Variants in PNLIPRP3 observed in about 807,000 individuals in gnomAD.
The protein encoded by PNLIPRP3 is pancreatic lipase-related protein 3.
Under a neutral mutation model 52.8 loss-of-function variants are expected in PNLIPRP3, and 58 were observed. The observed-to-expected ratio is 1.10, with a 90% CI of 0.89 to 1.37. The LOEUF (loss-of-function observed/expected upper bound fraction) is 1.37. Among genes scored for constraint, PNLIPRP3 ranks in the 40% most tolerant of loss-of-function variants. The pLI is 0.00. For synonymous variants in PNLIPRP3, 192 were observed against 185.0 expected (o/e 1.04, Z -0.31); for missense variants, 593 against 561.6 (o/e 1.06, Z -0.57).
intron 10 of PNLIPRP3, among the ~76,000 whole-genome samples, chr10:116,476,321 T>C (rs1231311713): frequency 6.6e-6 from 1 of 152,172 alleles, no homozygotes. Context: ...CTATTGAGAG[T>C]TTCTTGATTT....
intron 5 of PNLIPRP3, among the ~76,000 whole-genome samples, chr10:116,456,443 C>A (rs1195855765): frequency 1.3e-5 from 2 of 152,064 alleles, no homozygotes; most frequent in African/African-American, 4.8e-5. Flanking sequence ...ACCACATGTG[C>A]CCCCAAAATA....
rs777539972 is a variant in PNLIPRP3, at chr10:116,455,700, T to C, written c.457-22T>C. On this transcript the variant is annotated intron_variant, in intron 4 of 11. Coordinates refer to ENST00000369230, the MANE Select transcript of PNLIPRP3 (RefSeq NM_001011709.3). Reference sequence around the variant, plus strand: ...TCCACCGCTGTTTTTAAAATACTTATTCTGTTAAACAATTCTTTCAGAAAA... The same window carrying C: ...TCCACCGCTGTTTTTAAAATACTTACTCTGTTAAACAATTCTTTCAGAAAA... 1.6e-5 allele frequency: 25 copies of C among 1,552,100 alleles called. 1 individual carries two copies. The highest frequency in any genetic ancestry group is 1.5e-4 in the South Asian group (13 of 88,900).
intron 5 of PNLIPRP3, among the ~76,000 whole-genome samples, chr10:116,458,667 G>A (rs574091396): frequency 1.6e-4 from 24 of 152,280 alleles, no homozygotes; most frequent in Middle Eastern, 6.8e-3. Flanking sequence ...TCATATGCAT[G>A]TTGCATTACT....
At chr10:116,433,606 G>GTGAGGGGCTGTTTATT (rs1564691640) in intron 1 of PNLIPRP3, among the ~76,000 whole-genome samples, 31 of 152,150 alleles carry the variant, frequency 2.0e-4, no homozygotes, top group African/African-American at 7.2e-4. Flanking sequence ...TCCCCATATT[G>GTGAGGGGCTGTTTATT]ACTCTCCATC....
intron 1 of PNLIPRP3, among the ~76,000 whole-genome samples, chr10:116,429,776 C>T (rs1845684306): frequency 6.6e-6 from 1 of 152,156 alleles, no homozygotes; most frequent in Non-Finnish European, 1.5e-5. Context: ...AAAGCCATGA[C>T]TACAGACAGG....
intron 4 of PNLIPRP3, among the ~76,000 whole-genome samples, chr10:116,454,124 T>C (rs904741672): frequency 6.6e-6 from 1 of 152,140 alleles, no homozygotes; most frequent in Non-Finnish European, 1.5e-5. Context: ...TCATTCTTTT[T>C]TTTTTGAGAT....
chr10:116,477,133 C>T lies in PNLIPRP3; in HGVS notation c.1384C>T (p.Gln462Ter), dbSNP rs758320300. The change falls in exon 12 of 12, where the codon CAG (glutamine) becomes TAG (stop). Residue 462 changes from glutamine to a stop codon, truncating the protein, a stop_gained. Coordinates refer to ENST00000369230, the MANE Select transcript of PNLIPRP3 (RefSeq NM_001011709.3). LOFTEE classifies it high-confidence loss of function. ...SQDIMGPNIL[Q>*]NLKPC ...AGACATTATGGGACCTAATATTCTC[C>T]AGAACCTGAAACCATGCTAATCTCA... The T allele has an allele frequency of 6.3e-7, 1 of 1,596,254 alleles. No individual in the cohort carries two copies. Among genetic ancestry groups the T allele is most frequent in the South Asian group, 1.1e-5 (1 of 90,468 alleles).
chr10:116,465,955 G>C lies in PNLIPRP3; in HGVS notation c.809-95G>C, dbSNP rs7903386. 5.6e-3 allele frequency: 5,034 copies of C among 897,712 alleles called. 169 individuals carry two copies. In the African/African-American group the frequency reaches 0.074, roughly 13 times the overall value. 55.6% of individuals were successfully genotyped at this position (897,712 alleles called of 1,614,324 possible). A position where few individuals can be genotyped will look rare whatever the true frequency, so the allele number is the denominator to read the frequency against. Reference sequence around the variant, plus strand: ...AAAAGGTCTGGCCCTCCCAACTCAAGAAGACTGCCACTTACAGTTACTGTT... The same window carrying C: ...AAAAGGTCTGGCCCTCCCAACTCAACAAGACTGCCACTTACAGTTACTGTT... On this transcript the variant is annotated intron_variant, in intron 7 of 11. Coordinates refer to ENST00000369230, the MANE Select transcript of PNLIPRP3 (RefSeq NM_001011709.3).
chr10:116,439,593 T>C (rs1845828144), intron 2 of PNLIPRP3: 1 of 796,296 alleles, frequency 1.3e-6, no homozygotes, highest in African/African-American at 1.7e-5. Context: ...ATCCTTCTCA[T>C]ACTTTTTCAG....
chr10:116,469,130 T>C (rs1846325964), intron 8 of PNLIPRP3, 55 bp from the exon 9 acceptor site: 1 of 1,514,660 alleles, frequency 6.6e-7, no homozygotes, highest in African/African-American at 1.4e-5. Context: ...GCGAGTTTAT[T>C]GAAGGACAAC....
At chr10:116,438,398 A>G (rs1845808023) in intron 2 of PNLIPRP3, among the ~76,000 whole-genome samples, 1 of 152,208 alleles carries the variant, frequency 6.6e-6, no homozygotes, top group Non-Finnish European at 1.5e-5. Flanking sequence ...GGCCCATCAC[A>G]TACTGCTGGG....
intron 7 of PNLIPRP3, 96 bp from the exon 8 acceptor site, chr10:116,465,954 A>G: frequency 2.2e-6 from 2 of 889,776 alleles, no homozygotes; most frequent in East Asian, 4.8e-5. Flanking sequence ...TCCCAACTCA[A>G]GAAGACTGCC....
Position 116,444,104 on chromosome 10 carries a change from C to G in PNLIPRP3, c.325-278C>G, listed in dbSNP as rs111947653. Among the ~76,000 whole-genome samples the G allele has an allele frequency of 1.2e-4, 18 of 151,952 alleles. 1 individual carries two copies. The highest frequency in any genetic ancestry group is 3.6e-4 in the African/African-American group (15 of 41,440). On this transcript the variant is annotated intron_variant, in intron 3 of 11. Transcript: ENST00000369230. ...GTGCCAAGTGAAGGGGGAAGAATCC[C>G]TTATAAAACCATCAGATCTCATAAG...
At chr10:116,469,047 G>C (rs1846324081) in intron 8 of PNLIPRP3, 138 bp from the exon 9 acceptor site, 2 of 793,576 alleles carry the variant, frequency 2.5e-6, no homozygotes. Context: ...AGACATGGTG[G>C]CCTGTTAGGC....
Position 116,477,865 on chromosome 10 carries a change from G to A in PNLIPRP3, c.*712G>A, listed in dbSNP as rs1846500840. Reference sequence around the variant, plus strand: ...TCTCCCTGGGTCTTGAATGCTCTATGGTGAATTTGTATTTAGCCTCAAGGC... The same window carrying A: ...TCTCCCTGGGTCTTGAATGCTCTATAGTGAATTTGTATTTAGCCTCAAGGC... On this transcript the variant is annotated 3_prime_UTR_variant, in exon 12 of 12. Transcript: ENST00000369230. 6.6e-6 allele frequency: 1 copy of A among 152,112 alleles called. No homozygotes were observed. The highest frequency in any genetic ancestry group is 1.5e-5 in the Non-Finnish European group (1 of 68,032). The allele number at this position is 152,112 out of a possible 1,614,324, so 9.4% of individuals were successfully genotyped here.
At chr10:116,462,857 A>C (rs916779452) in intron 7 of PNLIPRP3, among the ~76,000 whole-genome samples, 2 of 152,226 alleles carry the variant, frequency 1.3e-5, no homozygotes, top group African/African-American at 4.8e-5. Flanking sequence ...TATCATTTTG[A>C]GACATTTTAA....
At chr10:116,474,605 CA>C (rs1173391810) in intron 10 of PNLIPRP3, among the ~76,000 whole-genome samples, 2 of 151,886 alleles carry the variant, frequency 1.3e-5, no homozygotes, top group African/African-American at 4.8e-5. Context: ...ATTTACAAGG[CA>C]AAAACAAACA....
intron 2 of PNLIPRP3, chr10:116,439,947 C>T (rs990075773): frequency 1.4e-5 from 12 of 866,242 alleles, no homozygotes; most frequent in Admixed American, 6.8e-5. Flanking sequence ...TGACAGGGAC[C>T]TCTGGGTTTT....
At chr10:116,454,710 C>A (rs926059332) in intron 4 of PNLIPRP3, among the ~76,000 whole-genome samples, 2 of 152,198 alleles carry the variant, frequency 1.3e-5, no homozygotes, top group African/African-American at 2.4e-5. Context: ...CTTAGCATGT[C>A]TTCCATGTTG....
Sources: gnomAD v4.1 joint callset for allele counts (sites outside exome capture counted in the v4.1 genomes callset) on GRCh38, gnomAD v4.1.1 for gene constraint, MANE v1.5 for transcripts, NCBI Gene and HGNC (gene_info 2026-07-23, HGNC 2026-07-21) for gene names.